The following NTNG1 variants were observed in gnomAD, a reference collection of about 807,000 sequenced individuals.
The protein encoded by NTNG1 is netrin-G1.
A neutral mutation model predicts 54.0 loss-of-function variants in NTNG1; 16 were observed. The ratio of observed to expected loss-of-function variants is 0.30; its 90% confidence interval spans 0.20 to 0.45. NTNG1 has a LOEUF of 0.45. Ranked by LOEUF, NTNG1 falls within the 20% of genes least tolerant of loss-of-function variation. NTNG1 has a pLI of 1.00. For missense variants in NTNG1, 530 were observed against 678.7 expected, an observed-to-expected ratio of 0.78 and a Z score of 2.43; for synonymous variants, 255 against 263.1, an observed-to-expected ratio of 0.97 and a Z score of 0.30.
At chr1:107,323,515 A>T (rs1157605692) in intron 2 of NTNG1, among the ~76,000 whole-genome samples, 1 of 152,162 alleles carries the variant, frequency 6.6e-6, no homozygotes, top group Admixed American at 6.6e-5. Flanking sequence ...CAAACACATC[A>T]AGTGGCTGTG....
At chr1:107,390,365 C>T (rs1016057792) in intron 3 of NTNG1, among the ~76,000 whole-genome samples, 1 of 152,194 alleles carries the variant, frequency 6.6e-6, no homozygotes, top group African/African-American at 2.4e-5. Flanking sequence ...AGAATAATTA[C>T]GCTATGCAAA....
intron 2 of NTNG1, among the ~76,000 whole-genome samples, chr1:107,165,171 T>G (rs4385740): frequency 0.19 from 28,144 of 152,000 alleles, 3,225 homozygotes; most frequent in South Asian, 0.29. Flanking sequence ...TGTGAACTAC[T>G]GATTAGAACT....
At chr1:107,393,299 C>T (rs1201969798) in intron 3 of NTNG1, among the ~76,000 whole-genome samples, 1 of 152,086 alleles carries the variant, frequency 6.6e-6, no homozygotes, top group African/African-American at 2.4e-5. Context: ...GTGCTTCTAT[C>T]ACTTAGGTTT....
intron 2 of NTNG1, among the ~76,000 whole-genome samples, chr1:107,289,375 T>C (rs3123380): frequency 0.017 from 2,580 of 152,238 alleles, 61 homozygotes; most frequent in African/African-American, 0.059. Flanking sequence ...GTCCTCACTT[T>C]ACTACCTCTC....
chr1:107,373,122 A>G (rs868089282), intron 3 of NTNG1, among the ~76,000 whole-genome samples: 16 of 152,052 alleles, frequency 1.1e-4, no homozygotes, highest in Non-Finnish European at 2.2e-4. Flanking sequence ...ATATCTTGCT[A>G]TTTATTTTCT....
chr1:107,296,000 C>T lies in NTNG1; in HGVS notation c.247-28282C>T, dbSNP rs138433647. ...TTTCTTCTAACCTCTTTGGCTCATC[C>T]GTCTTTGTCTCTTTTAAATAAGTGG... On this transcript the variant is annotated intron_variant, in intron 2 of 7. Coordinates refer to ENST00000370068, the MANE Select transcript of NTNG1 (RefSeq NM_001113226.3). Among the ~76,000 whole-genome samples, 331 of 152,150 alleles carry T rather than the reference C, an allele frequency of 2.2e-3. 2 individuals are homozygous for T. Among genetic ancestry groups the T allele is most frequent in the African/African-American group, 7.9e-3 (328 of 41,538 alleles).
At chr1:107,315,106 GGTCACTCCA>G (rs1667261734) in intron 2 of NTNG1, among the ~76,000 whole-genome samples, 2 of 151,986 alleles carry the variant, frequency 1.3e-5, no homozygotes, top group Admixed American at 6.6e-5. Context: ...ACACCTACTT[GGTCACTCCA>G]GAAGCCTGCT....
In NTNG1 at chr1:107,250,906, C is replaced by A. The variant is rs1457502504; in HGVS notation, c.247-73376C>A. ...CTATGCCCTTCAGAGGATTTACCAC[C>A]ACTGGCAAATTTGTATTTGTTTAAA... On this transcript the variant is annotated intron_variant, in intron 2 of 7. Coordinates refer to ENST00000370068, the MANE Select transcript of NTNG1 (RefSeq NM_001113226.3). Among the ~76,000 whole-genome samples, 8 of 152,340 alleles carry A rather than the reference C, an allele frequency of 5.3e-5. No homozygotes were observed. The East Asian group carries it at 1.5e-3, about 29-fold the overall frequency.
chr1:107,312,666 G>T (rs895645475), intron 2 of NTNG1, among the ~76,000 whole-genome samples: 1 of 152,108 alleles, frequency 6.6e-6, no homozygotes, highest in Admixed American at 6.6e-5. Flanking sequence ...ACAGGTTCCT[G>T]GGTCCAACAG....
At chr1:107,271,682 C>T (rs1664152791) in intron 2 of NTNG1, among the ~76,000 whole-genome samples, 1 of 151,938 alleles carries the variant, frequency 6.6e-6, no homozygotes, top group Non-Finnish European at 1.5e-5. Context: ...GTATACAACA[C>T]AGAGAAATGT....
Position 107,157,257 on chromosome 1 carries a change from A to G in NTNG1, c.246+8418A>G, listed in dbSNP as rs118152065. 4.4e-4 allele frequency among the ~76,000 whole-genome samples: 67 copies of G among 152,298 alleles called. 2 individuals are homozygous for G. In the East Asian group the frequency reaches 0.011, roughly 25 times the overall value. On this transcript the variant is annotated intron_variant, in intron 2 of 7. Coordinates refer to ENST00000370068, the MANE Select transcript of NTNG1 (RefSeq NM_001113226.3). ...AATGTCCTTTTTTAAATTGAACATG[A>G]AGTTTTTGAGATAAACTGTTGTATA...
intron 2 of NTNG1, among the ~76,000 whole-genome samples, chr1:107,181,632 C>T (rs1293680023): frequency 2.9e-5 from 4 of 137,000 alleles, no homozygotes; most frequent in Admixed American, 2.2e-4. Context: ...TCCATTAACT[C>T]GGTGAAGGAA....
intron 2 of NTNG1, among the ~76,000 whole-genome samples, chr1:107,204,915 G>A (rs1199014072): frequency 6.6e-6 from 1 of 152,062 alleles, no homozygotes; most frequent in Non-Finnish European, 1.5e-5. Flanking sequence ...CAGGTGATAC[G>A]GGAGTTACTG....
chr1:107,306,999 T>G (rs1666733132), intron 2 of NTNG1, among the ~76,000 whole-genome samples: 1 of 152,196 alleles, frequency 6.6e-6, no homozygotes, highest in African/African-American at 2.4e-5. Context: ...TTTTCTCACC[T>G]GAATTTTAAT....
At chr1:107,180,339 G>A (rs948862264) in intron 2 of NTNG1, among the ~76,000 whole-genome samples, 1 of 152,016 alleles carries the variant, frequency 6.6e-6, no homozygotes, top group Non-Finnish European at 1.5e-5. Flanking sequence ...ATTTGATGAA[G>A]GGCCCTAAAG....
intron 4 of NTNG1, among the ~76,000 whole-genome samples, chr1:107,406,443 G>T (rs144968374): frequency 6.6e-6 from 1 of 152,026 alleles, no homozygotes; most frequent in African/African-American, 2.4e-5. Context: ...TATCTCATTC[G>T]ATCCTCACGG....
At chr1:107,394,542 T>G (rs1295657267) in intron 3 of NTNG1, among the ~76,000 whole-genome samples, 1 of 152,182 alleles carries the variant, frequency 6.6e-6, no homozygotes, top group Non-Finnish European at 1.5e-5. Flanking sequence ...TGAGGATTAC[T>G]GTGTCTCACC....
chr1:107,166,727 G>A (rs1049353523), intron 2 of NTNG1, among the ~76,000 whole-genome samples: 2 of 151,848 alleles, frequency 1.3e-5, no homozygotes, highest in Non-Finnish European at 1.5e-5. Context: ...TGAAACAATT[G>A]ACTGTGAAAC....
chr1:107,373,623 G>T, intron 3 of NTNG1, among the ~76,000 whole-genome samples: 1 of 140,002 alleles, frequency 7.1e-6, no homozygotes, highest in African/African-American at 2.7e-5. Context: ...TGCAGCACAT[G>T]TCTGCTGGAA....
Sources: gnomAD v4.1 joint callset for allele counts (sites outside exome capture counted in the v4.1 genomes callset) on GRCh38, gnomAD v4.1.1 for gene constraint, MANE v1.5 for transcripts, NCBI Gene and HGNC (gene_info 2026-07-23, HGNC 2026-07-21) for gene names.